The following TMEM245 variants were observed in gnomAD, a reference collection of about 807,000 sequenced individuals.
The protein encoded by TMEM245 is protein CG-2.
In TMEM245, 69 loss-of-function variants were observed where a neutral mutation model predicts 101.2. The ratio of observed to expected loss-of-function variants is 0.68; its 90% CI spans 0.56 to 0.83. The LOEUF (loss-of-function observed/expected upper bound fraction) is 0.83. Ranked by LOEUF, TMEM245 falls within the 40% of genes least tolerant of loss-of-function variation. TMEM245 has a pLI of 0.00. For missense variants in TMEM245, 1,075 were observed against 1,092.8 expected (o/e 0.98, Z 0.23); for synonymous variants, 537 against 449.8 (o/e 1.19, Z -2.45).
In TMEM245 at chr9:109,119,871, T is replaced by G. The variant is rs771630490; in HGVS notation, c.43A>C (p.Ser15Arg). 8 of 1,314,482 alleles carry G rather than the reference T, an allele frequency of 6.1e-6. No individual in the cohort carries two copies. The African/African-American group carries it at 9.3e-5, about 15-fold the overall frequency. The allele number at this position is 1,314,482 out of a possible 1,614,324, so 81.4% of individuals were successfully genotyped here. ...ACCCGCGGCGCCGGCCCGGGAGAGC[T>G]CCGCAGGCTTGGCGCGTCCTTAGGG... ...GGPKDAPSLR[S>R]SPGPAPRVPR... The change falls in exon 1 of 18, where the codon AGC becomes CGC. Residue 15 changes from serine to arginine, a missense_variant. Coordinates refer to ENST00000374586, the MANE Select transcript of TMEM245 (RefSeq NM_032012.4).
chr9:109,106,643 A>C, intron 2 of TMEM245, 34 bp from the exon 3 acceptor site: 1 of 1,495,304 alleles, frequency 6.7e-7, no homozygotes, highest in Non-Finnish European at 9.2e-7. Context: ...TTTTTAGTGA[A>C]ATAAAAACCT....
In TMEM245 at chr9:109,038,066, G is replaced by T; in HGVS notation, c.2175C>A (p.Thr725=). The change falls in exon 15 of 18, where the codon ACC becomes ACA. Residue 725 remains threonine, a synonymous_variant. Transcript: ENST00000374586. ...TGCCAAACATAGTATGAGTCAGCCA[G>T]GTATACAATCCATAGAAGCCAGCCA... ...LKMAGFYGLY[T]WLTHTMFGIN... The T allele has an allele frequency of 6.2e-7, 1 of 1,613,226 alleles. No individual in the cohort carries two copies. Among genetic ancestry groups the T allele is most frequent in the Non-Finnish European group, 8.5e-7 (1 of 1,179,614 alleles).
rs1828542638 is a variant in TMEM245 at position 109,047,749 on chromosome 9, A to C, written c.2123+2534T>G. Among the ~76,000 whole-genome samples the C allele has an allele frequency of 2.0e-5, 3 of 152,230 alleles. No individual in the cohort carries two copies. In the South Asian group the frequency reaches 6.2e-4, roughly 32 times the overall value. On this transcript the variant is annotated intron_variant, in intron 14 of 17. Coordinates refer to ENST00000374586, the MANE Select transcript of TMEM245 (RefSeq NM_032012.4). ...TAACAATGAAGATTACTTGAGGAAA[A>C]TGGAAGCATCATCTTTCTTGAAGTT...
At chr9:109,117,980 CCA>C (rs1307791211) in intron 1 of TMEM245, among the ~76,000 whole-genome samples, 2 of 152,242 alleles carry the variant, frequency 1.3e-5, no homozygotes, top group African/African-American at 4.8e-5. Flanking sequence ...TAAAAGTGAA[CCA>C]CAGATTTGCT....
At chr9:109,022,933 T>C (rs1352882734) in intron 17 of TMEM245, among the ~76,000 whole-genome samples, 2 of 152,224 alleles carry the variant, frequency 1.3e-5, no homozygotes, top group Non-Finnish European at 1.5e-5. Context: ...CTCTAAATTA[T>C]GAATGAAGAT....
intron 5 of TMEM245, among the ~76,000 whole-genome samples, chr9:109,090,682 C>T (rs1340058119): frequency 1.3e-5 from 2 of 150,228 alleles, no homozygotes; most frequent in East Asian, 2.0e-4. Context: ...TGAGATGGTG[C>T]CACTGCACTT....
At chr9:109,050,756 T>C in intron 12 of TMEM245, 64 bp from the exon 13 acceptor site, 1 of 1,594,502 alleles carries the variant, frequency 6.3e-7, no homozygotes, top group Non-Finnish European at 8.6e-7. Context: ...TAGAGCCATC[T>C]AGTGTGCTTT....
intron 17 of TMEM245, among the ~76,000 whole-genome samples, chr9:109,029,851 G>C (rs1451326975): frequency 6.6e-6 from 1 of 152,176 alleles, no homozygotes; most frequent in Non-Finnish European, 1.5e-5. Context: ...GTGGAGAGGT[G>C]AGTGCCTGGT....
Position 109,074,960 on chromosome 9 carries a change from T to A in TMEM245, c.1450-1522A>T, listed in dbSNP as rs150447410. Among the ~76,000 whole-genome samples, 3 of 152,250 alleles carry A rather than the reference T, an allele frequency of 2.0e-5. No homozygotes were observed. In the East Asian group the frequency reaches 5.8e-4, roughly 29 times the overall value. On this transcript the variant is annotated intron_variant, in intron 8 of 17. Transcript: ENST00000374586. The stretch of plus-strand genomic sequence containing the variant: ...ATGAATAAGGCCTGACACGTTCTTG[T>A]GAGGACTTAGGCTAGCATTTTGTGG...
intron 10 of TMEM245, among the ~76,000 whole-genome samples, chr9:109,062,372 C>T (rs1829042505): frequency 6.6e-6 from 1 of 152,182 alleles, no homozygotes; most frequent in Admixed American, 6.5e-5. Flanking sequence ...CCAATTAATG[C>T]TTTCTAAAAT....
chr9:109,092,411 CT>C (rs1830032215), intron 4 of TMEM245, among the ~76,000 whole-genome samples: 1 of 152,240 alleles, frequency 6.6e-6, no homozygotes, highest in Non-Finnish European at 1.5e-5. Context: ...GCTCACCTCA[CT>C]AGGACCAACA....
intron 14 of TMEM245, among the ~76,000 whole-genome samples, chr9:109,042,680 CAT>C (rs1828348094): frequency 1.3e-5 from 2 of 152,120 alleles, no homozygotes; most frequent in South Asian, 2.1e-4. Context: ...GCTCATATAA[CAT>C]AAATTCCATC....
At chr9:109,069,669 A>G (rs1049942868) in intron 9 of TMEM245, among the ~76,000 whole-genome samples, 1 of 152,108 alleles carries the variant, frequency 6.6e-6, no homozygotes, top group Non-Finnish European at 1.5e-5. Flanking sequence ...TGCACTAAGA[A>G]TTATCTCTCT....
chr9:109,029,377 A>C (rs1473101699), intron 17 of TMEM245, among the ~76,000 whole-genome samples: 1 of 152,232 alleles, frequency 6.6e-6, no homozygotes, highest in Non-Finnish European at 1.5e-5. Flanking sequence ...GTAGATAAAC[A>C]AAAAGATCTT....
chr9:109,112,539 C>T (rs1031294852), intron 1 of TMEM245, among the ~76,000 whole-genome samples: 1 of 129,646 alleles, frequency 7.7e-6, no homozygotes, highest in Non-Finnish European at 1.6e-5. Context: ...AAAACTCCAT[C>T]TCAAAAAAAA....
At chr9:109,070,905 A>G (rs1460120579) in intron 9 of TMEM245, among the ~76,000 whole-genome samples, 4 of 152,094 alleles carry the variant, frequency 2.6e-5, no homozygotes, top group Non-Finnish European at 5.9e-5. Context: ...TTTTTGAGAC[A>G]TAGTCTTACC....
At chr9:109,117,293 T>C (rs1830750272) in intron 1 of TMEM245, among the ~76,000 whole-genome samples, 1 of 151,576 alleles carries the variant, frequency 6.6e-6, no homozygotes, top group African/African-American at 2.4e-5. Flanking sequence ...TTTTTTTGTA[T>C]TTTTGGTAGA....
chr9:109,111,378 G>A (rs1830562471), intron 1 of TMEM245, among the ~76,000 whole-genome samples: 1 of 152,138 alleles, frequency 6.6e-6, no homozygotes. Context: ...AATTTATACA[G>A]TACCTCCAAG....
chr9:109,037,310 C>G (rs930975053), intron 15 of TMEM245, among the ~76,000 whole-genome samples: 2 of 152,218 alleles, frequency 1.3e-5, no homozygotes, highest in African/African-American at 4.8e-5. Flanking sequence ...CAGTTCAATT[C>G]AAACGTTACT....
Sources: allele counts gnomAD v4.1 joint callset (sites outside exome capture counted in the v4.1 genomes callset), GRCh38; gene constraint gnomAD v4.1.1; transcripts MANE v1.5; gene names NCBI Gene and HGNC (gene_info 2026-07-23, HGNC 2026-07-21).